RPTOR: variants seen among roughly 807,000 people sequenced by gnomAD.
RPTOR encodes regulatory associated protein of MTOR complex 1, also known as regulatory-associated protein of mTOR.
Under a neutral mutation model 169.9 loss-of-function variants are expected in RPTOR, and 21 were observed. That is an observed-to-expected ratio of 0.12 (90% CI 0.09 to 0.18). The LOEUF (loss-of-function observed/expected upper bound fraction) is 0.18, where lower values mean the gene tolerates loss of function less well. Among genes scored for constraint, RPTOR ranks in the 10% least tolerant of loss-of-function variants. The pLI, the probability that RPTOR is intolerant of heterozygous loss-of-function variation, is 1.00. For missense variants in RPTOR, 1,133 were observed against 1,855.9 expected (o/e 0.61, Z 7.16); for synonymous variants, 732 against 753.2 (o/e 0.97, Z 0.46).
chr17:80,576,521 C>T lies in RPTOR; in HGVS notation c.162+30730C>T, dbSNP rs116238145. On this transcript the variant is annotated intron_variant, in intron 1 of 33. Transcript: ENST00000306801. ...CATCCCAAGTTACCATCCTTGTTTTCGGCAGTCATTGTTCTTTCAGGCTGA... is the reference window on the plus strand; with the variant it reads ...CATCCCAAGTTACCATCCTTGTTTTTGGCAGTCATTGTTCTTTCAGGCTGA... Among the ~76,000 whole-genome samples the T allele has an allele frequency of 8.6e-3, 1,310 of 152,206 alleles. 22 individuals carry two copies. Among genetic ancestry groups the T allele is most frequent in the African/African-American group, 0.029 (1,212 of 41,506 alleles).
At chr17:80,588,436 C>A (rs945887275) in intron 1 of RPTOR, among the ~76,000 whole-genome samples, 2 of 137,530 alleles carry the variant, frequency 1.5e-5, no homozygotes, top group Non-Finnish European at 2.9e-5. Flanking sequence ...GTTGGGATTA[C>A]AGGAGTGAGC....
intron 6 of RPTOR, among the ~76,000 whole-genome samples, chr17:80,768,116 C>T (rs12953163): frequency 0.18 from 26,804 of 152,182 alleles, 2,794 homozygotes; most frequent in East Asian, 0.24. Context: ...CCCGCCTCGG[C>T]CTCCCAAAGT....
At position 80,711,744 on chromosome 17, in the gene RPTOR, C is replaced by CTTTTTTTTTTTTTTTTTTTTTTT; in HGVS notation, c.507+3761_507+3762insTTTTTTTTTTTTTTTTTTTTTTT. 7.0e-3 allele frequency among the ~76,000 whole-genome samples: 623 copies of CTTTTTTTTTTTTTTTTTTTTTTT among 88,748 alleles called. 161 individuals are homozygous for CTTTTTTTTTTTTTTTTTTTTTTT. Among genetic ancestry groups the CTTTTTTTTTTTTTTTTTTTTTTT allele is most frequent in the African/African-American group, 0.021 (335 of 15,622 alleles). The allele number at this position is 88,748 out of a possible 152,430, so 58.2% of individuals were successfully genotyped here. On this transcript the variant is annotated intron_variant, in intron 4 of 33. Transcript: ENST00000306801. ...AGTTAACATATAGTTATACATCAGT[C>CTTTTTTTTTTTTTTTTTTTTTTT]TTTTTTTTTTTTTTTTGAGGTTAAG...
chr17:80,868,054 G>C (rs1276283600), intron 13 of RPTOR, among the ~76,000 whole-genome samples: 1 of 152,112 alleles, frequency 6.6e-6, no homozygotes, highest in Admixed American at 6.5e-5. Flanking sequence ...AGCTTCAAAT[G>C]GACAAACAGA....
chr17:80,677,602 G>A (rs2065869725), intron 3 of RPTOR, among the ~76,000 whole-genome samples: 1 of 152,034 alleles, frequency 6.6e-6, no homozygotes, highest in Non-Finnish European at 1.5e-5. Flanking sequence ...ACTGCAGCCT[G>A]ACTGCTGACA....
At chr17:80,744,090 G>A in intron 5 of RPTOR, among the ~76,000 whole-genome samples, 1 of 113,558 alleles carries the variant, frequency 8.8e-6, no homozygotes, top group Non-Finnish European at 2.0e-5. Flanking sequence ...TACGAGCACA[G>A]CCCTGGTTAC....
At chr17:80,715,623 T>C (rs2066233339) in intron 4 of RPTOR, among the ~76,000 whole-genome samples, 1 of 152,112 alleles carries the variant, frequency 6.6e-6, no homozygotes, top group African/African-American at 2.4e-5. Context: ...CCATAGGTTA[T>C]TGGGGTACAG....
chr17:80,778,575 T>A (rs2066911702), intron 6 of RPTOR, among the ~76,000 whole-genome samples: 1 of 152,122 alleles, frequency 6.6e-6, no homozygotes, highest in Non-Finnish European at 1.5e-5. Context: ...GGCGGGAGGA[T>A]CACTTGAGAC....
intron 1 of RPTOR, among the ~76,000 whole-genome samples, chr17:80,592,051 AT>A (rs974175165): frequency 6.6e-6 from 1 of 151,916 alleles, no homozygotes; most frequent in Non-Finnish European, 1.5e-5. Flanking sequence ...CTTCTCTTAC[AT>A]TTGTATTAAT....
At chr17:80,895,057 C>T (rs952961276) in intron 20 of RPTOR, among the ~76,000 whole-genome samples, 1 of 152,270 alleles carries the variant, frequency 6.6e-6, no homozygotes, top group African/African-American at 2.4e-5. Flanking sequence ...ATCCATTCTC[C>T]TGTCTGGGGA....
At chr17:80,655,933 C>G (rs2065676122) in intron 3 of RPTOR, among the ~76,000 whole-genome samples, 1 of 152,082 alleles carries the variant, frequency 6.6e-6, no homozygotes, top group African/African-American at 2.4e-5. Flanking sequence ...CCCTCCTCCA[C>G]TCACTCAGAT....
At chr17:80,827,002 C>T (rs1337516712) in intron 9 of RPTOR, among the ~76,000 whole-genome samples, 2 of 152,222 alleles carry the variant, frequency 1.3e-5, no homozygotes, top group Non-Finnish European at 2.9e-5. Flanking sequence ...TTTAGTCAGC[C>T]GCTCGGCCCG....
At chr17:80,763,427 G>A (rs1198671001) in intron 6 of RPTOR, among the ~76,000 whole-genome samples, 4 of 152,122 alleles carry the variant, frequency 2.6e-5, no homozygotes, top group African/African-American at 4.8e-5. Context: ...GTGGTAAAAC[G>A]AACAGGAAAG....
At chr17:80,859,333 C>T (rs527524410) in intron 13 of RPTOR, among the ~76,000 whole-genome samples, 1 of 152,272 alleles carries the variant, frequency 6.6e-6, no homozygotes. Flanking sequence ...GGGAAGGGCT[C>T]ATTTATAGAA....
At chr17:80,617,381 T>C (rs2065319757) in intron 1 of RPTOR, among the ~76,000 whole-genome samples, 1 of 152,212 alleles carries the variant, frequency 6.6e-6, no homozygotes, top group South Asian at 2.1e-4. Flanking sequence ...AGTTCACCCA[T>C]TTACCAACAG....
chr17:80,915,148 G>T (rs2068657941), intron 21 of RPTOR, among the ~76,000 whole-genome samples: 1 of 151,782 alleles, frequency 6.6e-6, no homozygotes, highest in Non-Finnish European at 1.5e-5. Flanking sequence ...ACACTCCAGG[G>T]TCTCCTCTCT....
At position 80,947,369 on chromosome 17, in the gene RPTOR, A is replaced by C; in HGVS notation, c.3265+18A>C. The C allele has an allele frequency of 1.3e-6, 2 of 1,534,962 alleles. No individual in the cohort carries two copies. Among genetic ancestry groups the C allele is most frequent in the Non-Finnish European group, 1.7e-6 (2 of 1,142,880 alleles). On this transcript the variant is annotated intron_variant, in intron 27 of 33. Coordinates refer to ENST00000306801, the MANE Select transcript of RPTOR (RefSeq NM_020761.3). The surrounding 1 kb of genome is among the most constrained non-coding windows in gnomAD (Gnocchi z 4.4). ...GGCCACAGGTGAGCGGGGTTTGCAC[A>C]GCCAGGATTGGAAGCCAGGGTCTGG...
intron 2 of RPTOR, among the ~76,000 whole-genome samples, chr17:80,631,872 G>A (rs1487368513): frequency 6.6e-6 from 1 of 152,148 alleles, no homozygotes; most frequent in Non-Finnish European, 1.5e-5. Context: ...TTGGGAGGTC[G>A]AGGCTGCAAT....
At chr17:80,904,980 C>T (rs1046361368) in intron 20 of RPTOR, among the ~76,000 whole-genome samples, 1 of 152,126 alleles carries the variant, frequency 6.6e-6, no homozygotes, top group East Asian at 1.9e-4. Flanking sequence ...GAAGTCTGCA[C>T]GAAGGTCGAC....
Sources: gnomAD v4.1 joint callset for allele counts (sites outside exome capture counted in the v4.1 genomes callset) on GRCh38, gnomAD v4.1.1 for gene constraint, Gnocchi (gnomAD v3.1) non-coding constraint, MANE v1.5 for transcripts, NCBI Gene and HGNC (gene_info 2026-07-23, HGNC 2026-07-21) for gene names.